KCNH7: variants seen among roughly 807,000 people sequenced by gnomAD.
The protein encoded by KCNH7 is voltage-gated inwardly rectifying potassium channel KCNH7.
KCNH7 carries 49 observed loss-of-function variants against 120.8 expected under a neutral mutation model. The ratio of observed to expected loss-of-function variants is 0.41; its 90% confidence interval spans 0.32 to 0.51. The LOEUF (loss-of-function observed/expected upper bound fraction) is 0.51, where lower values mean the gene tolerates loss of function less well. KCNH7 is among the 20% of genes least tolerant of loss of function. The probability of loss-of-function intolerance (pLI) is 0.38; values close to 1 mark genes in which losing one functional copy is unlikely to be tolerated. For missense variants in KCNH7, 1,097 were observed against 1,446.6 expected (o/e 0.76, Z 3.92); for synonymous variants, 547 against 516.1 (o/e 1.06, Z -0.81).
intron 2 of KCNH7, among the ~76,000 whole-genome samples, chr2:162,819,995 TAC>T (rs1432062654): frequency 6.6e-6 from 1 of 151,418 alleles, no homozygotes; most frequent in African/African-American, 2.4e-5. Context: ...ACATAAATTC[TAC>T]AGTGTGTTTG....
At chr2:162,487,311 C>G (rs1690129829) in intron 6 of KCNH7, among the ~76,000 whole-genome samples, 2 of 152,136 alleles carry the variant, frequency 1.3e-5, no homozygotes, top group African/African-American at 4.8e-5. Context: ...GCTGGATTAT[C>G]TTTTGAGCTT....
chr2:162,469,561 T>G (rs1450040318), intron 6 of KCNH7, among the ~76,000 whole-genome samples: 1 of 152,204 alleles, frequency 6.6e-6, no homozygotes, highest in Non-Finnish European at 1.5e-5. Context: ...ATGATATGCT[T>G]TTTAGAAGAG....
intron 6 of KCNH7, among the ~76,000 whole-genome samples, chr2:162,473,385 T>C (rs1187371182): frequency 6.6e-6 from 1 of 152,162 alleles, no homozygotes; most frequent in African/African-American, 2.4e-5. Flanking sequence ...GAAAGAAATA[T>C]TGACCTTAAT....
intron 2 of KCNH7, among the ~76,000 whole-genome samples, chr2:162,780,303 A>AGT (rs1222113981): frequency 6.6e-6 from 1 of 152,178 alleles, no homozygotes; most frequent in East Asian, 1.9e-4. Context: ...AGTACACAAA[A>AGT]GTATATCTCA....
chr2:162,835,228 A>G (rs943640657), intron 2 of KCNH7, among the ~76,000 whole-genome samples: 1 of 152,116 alleles, frequency 6.6e-6, no homozygotes, highest in African/African-American at 2.4e-5. Flanking sequence ...CCAGATTACT[A>G]CAAAGTTATA....
intron 3 of KCNH7, among the ~76,000 whole-genome samples, chr2:162,535,439 G>GA (rs1692072090): frequency 6.6e-6 from 1 of 151,488 alleles, no homozygotes; most frequent in Admixed American, 6.6e-5. Context: ...AATATAATGG[G>GA]AAAAAAGTTC....
intron 2 of KCNH7, among the ~76,000 whole-genome samples, chr2:162,643,072 T>G (rs2105241006): frequency 6.6e-6 from 1 of 152,332 alleles, no homozygotes; most frequent in Non-Finnish European, 1.5e-5. Context: ...CCCAAGCTAT[T>G]ACTTAGAGAA....
In KCNH7 at chr2:162,668,763, T is replaced by C. The variant is rs1369842470; in HGVS notation, c.308-131683A>G. On this transcript the variant is annotated intron_variant, in intron 2 of 15. Coordinates refer to ENST00000332142, the MANE Select transcript of KCNH7 (RefSeq NM_033272.4). ...GATGGAATCTTTACAATTTCAAATA[T>C]TTTAAGTATTGGGATGACCTGTCAA... Among the ~76,000 whole-genome samples the C allele has an allele frequency of 2.6e-5, 4 of 152,146 alleles. No individual in the cohort carries two copies. The East Asian group carries it at 7.7e-4, about 29-fold the overall frequency.
rs139892750 is a variant in KCNH7, at chr2:162,830,000, G to A, written c.307+6537C>T. ...AAGACTTGGTGTTTTCTCTGAATAA[G>A]CTAAAAATAGACTAAATTAACTACA... On this transcript the variant is annotated intron_variant, in intron 2 of 15. Coordinates refer to ENST00000332142, the MANE Select transcript of KCNH7 (RefSeq NM_033272.4). 7.2e-3 allele frequency among the ~76,000 whole-genome samples: 1,095 copies of A among 152,096 alleles called. 2 individuals are homozygous for A. Among genetic ancestry groups the A allele is most frequent in the Non-Finnish European group, 0.011 (774 of 67,984 alleles).
In KCNH7 at chr2:162,396,871, G is replaced by A; in HGVS notation, c.2482C>T (p.Leu828Phe). The change falls in exon 11 of 16, where the codon CTC (leucine) becomes TTC (phenylalanine). Residue 828 changes from leucine to phenylalanine, a missense_variant. Around this residue, in one of 8 missense-constraint regions of KCNH7, gnomAD observed 101 missense variants for 176.3 expected, o/e 0.57. Coordinates refer to ENST00000332142, the MANE Select transcript of KCNH7 (RefSeq NM_033272.4). ...PGKSNADVRALTYCDLHKIQR... is the reference protein window; with the variant it reads ...PGKSNADVRAFTYCDLHKIQR... Reference sequence around the variant, plus strand: ...ATCTTATGCAAGTCACAGTATGTGAGGGCTCTTACATCTGCATTAGACTTT... The same window carrying A: ...ATCTTATGCAAGTCACAGTATGTGAAGGCTCTTACATCTGCATTAGACTTT... The A allele has an allele frequency of 1.2e-6, 2 of 1,611,652 alleles. No homozygotes were observed. The highest frequency in any genetic ancestry group is 1.7e-6 in the Non-Finnish European group (2 of 1,178,500).
At chr2:162,402,551 C>A (rs1371734198) in intron 9 of KCNH7, among the ~76,000 whole-genome samples, 1 of 151,060 alleles carries the variant, frequency 6.6e-6, no homozygotes, top group East Asian at 2.0e-4. Context: ...TCTAAGTAGC[C>A]CCATGCAGAT....
chr2:162,778,513 G>A (rs904107284), intron 2 of KCNH7, among the ~76,000 whole-genome samples: 2 of 152,142 alleles, frequency 1.3e-5, no homozygotes, highest in Non-Finnish European at 2.9e-5. Flanking sequence ...TCTACACTGT[G>A]AGGGGCAGAA....
intron 12 of KCNH7, among the ~76,000 whole-genome samples, chr2:162,388,657 C>A (rs567459614): frequency 9.9e-5 from 15 of 151,748 alleles, no homozygotes; most frequent in Admixed American, 2.6e-4. Context: ...CTAATAAAAC[C>A]AGAATAGAAT....
At chr2:162,470,452 G>C (rs562687688) in intron 6 of KCNH7, among the ~76,000 whole-genome samples, 1 of 146,090 alleles carries the variant, frequency 6.8e-6, no homozygotes, top group East Asian at 2.4e-4. Flanking sequence ...TCTGAGAAGT[G>C]AGGAGCCCCT....
At chr2:162,565,699 T>C (rs1250941328) in intron 2 of KCNH7, among the ~76,000 whole-genome samples, 1 of 152,058 alleles carries the variant, frequency 6.6e-6, no homozygotes, top group Admixed American at 6.6e-5. Flanking sequence ...TCTCCCAAGA[T>C]TATTTATACG....
intron 2 of KCNH7, among the ~76,000 whole-genome samples, chr2:162,747,929 T>C (rs1688370415): frequency 6.6e-6 from 1 of 152,208 alleles, no homozygotes; most frequent in Non-Finnish European, 1.5e-5. Flanking sequence ...AGCAAATACT[T>C]ATTCTGATTT....
intron 2 of KCNH7, among the ~76,000 whole-genome samples, chr2:162,619,813 C>T (rs1411137022): frequency 6.6e-6 from 1 of 152,038 alleles, no homozygotes; most frequent in Non-Finnish European, 1.5e-5. Flanking sequence ...GAAAGCTTGA[C>T]AATCTAATTT....
chr2:162,584,846 A>AT (rs34171829), intron 2 of KCNH7, among the ~76,000 whole-genome samples: 69 of 136,450 alleles, frequency 5.1e-4, no homozygotes, highest in East Asian at 1.1e-3. Flanking sequence ...TCTCCTTTTA[A>AT]TTTTTTTTTT....
intron 2 of KCNH7, among the ~76,000 whole-genome samples, chr2:162,780,467 G>A (rs1352108655): frequency 6.6e-6 from 1 of 152,122 alleles, no homozygotes; most frequent in East Asian, 1.9e-4. Flanking sequence ...CCAGTGCTAG[G>A]GTAGTTGTAC....
Sources: gnomAD v4.1 joint callset for allele counts (sites outside exome capture counted in the v4.1 genomes callset) on GRCh38, gnomAD v4.1.1 for gene constraint, gnomAD v4.1.1 regional missense constraint, MANE v1.5 for transcripts, NCBI Gene and HGNC (gene_info 2026-07-23, HGNC 2026-07-21) for gene names.